The following GALNT7 variants were observed in gnomAD, a reference collection of about 807,000 sequenced individuals.
The protein encoded by GALNT7 is polypeptide N-acetylgalactosaminyltransferase 7.
In GALNT7, 60 loss-of-function variants were observed where a neutral mutation model predicts 82.1. The ratio of observed to expected loss-of-function variants is 0.73; its 90% CI spans 0.59 to 0.91. The LOEUF (loss-of-function observed/expected upper bound fraction) is 0.91, where lower values mean the gene tolerates loss of function less well. Ranked by LOEUF, GALNT7 falls within the 40% of genes least tolerant of loss-of-function variation. The probability of loss-of-function intolerance (pLI) is 0.00; values close to 1 mark genes in which losing one functional copy is unlikely to be tolerated. For missense variants in GALNT7, 660 were observed against 804.2 expected, an observed-to-expected ratio of 0.82 and a Z score of 2.17; for synonymous variants, 243 against 275.1, an observed-to-expected ratio of 0.88 and a Z score of 1.15.
chr4:173,218,073 G>C (rs1293120714), intron 1 of GALNT7, among the ~76,000 whole-genome samples: 1 of 152,110 alleles, frequency 6.6e-6, no homozygotes, highest in East Asian at 1.9e-4. Flanking sequence ...GACAGGGTAG[G>C]GAGACAGATT....
At chr4:173,229,766 G>A (rs966471315) in intron 1 of GALNT7, among the ~76,000 whole-genome samples, 1 of 152,076 alleles carries the variant, frequency 6.6e-6, no homozygotes, top group Non-Finnish European at 1.5e-5. Context: ...TCTCCTCATC[G>A]TATTATCGTA....
chr4:173,318,740 C>T, intron 11 of GALNT7, 181 bp downstream of exon 11: 1 of 479,336 alleles, frequency 2.1e-6, no homozygotes, highest in South Asian at 2.5e-5. Flanking sequence ...TATAATGAGG[C>T]ATCACTTTTG....
At chr4:173,263,654 T>C (rs1735364828) in intron 2 of GALNT7, among the ~76,000 whole-genome samples, 1 of 152,210 alleles carries the variant, frequency 6.6e-6, no homozygotes, top group African/African-American at 2.4e-5. Context: ...TAATTTATTT[T>C]ACCATCATCC....
intron 1 of GALNT7, among the ~76,000 whole-genome samples, chr4:173,170,357 A>G (rs1731819980): frequency 6.6e-6 from 1 of 152,262 alleles, no homozygotes; most frequent in Admixed American, 6.5e-5. Context: ...CTGGAAAGTT[A>G]GCATCAAGAA....
At position 173,320,776 on chromosome 4, in the gene GALNT7, C is replaced by A. The variant is rs1354980352; in HGVS notation, c.1837-804C>A. On this transcript the variant is annotated intron_variant, in intron 11 of 11. Coordinates refer to ENST00000265000, the MANE Select transcript of GALNT7 (RefSeq NM_017423.3). This position sits in a 1 kb window ranked among gnomAD's most constrained non-coding sequence, Gnocchi z 4.1. Reference sequence around the variant, plus strand: ...AGTACTTGATACGTACTTCCCACTTCATCTCATAGAATTTTTTTTAAGTAT... The same window carrying A: ...AGTACTTGATACGTACTTCCCACTTAATCTCATAGAATTTTTTTTAAGTAT... Among the ~76,000 whole-genome samples, 2 of 152,080 alleles carry A rather than the reference C, an allele frequency of 1.3e-5. No individual in the cohort carries two copies.
At chr4:173,233,940 A>T (rs1241765498) in intron 1 of GALNT7, among the ~76,000 whole-genome samples, 1 of 152,128 alleles carries the variant, frequency 6.6e-6, no homozygotes, top group Non-Finnish European at 1.5e-5. Context: ...AATGTTGTCT[A>T]TTCTTGTTTG....
rs70944438 is a variant in GALNT7 at position 173,225,018 on chromosome 4, AAATAATAATAAT to A, written c.127-22940_127-22929del. ...CGACAGAGCGAGACTCTGTCTCAAA[AAATAATAATAAT>A]AATAATAATAATAATAATAATTATA... On this transcript the variant is annotated intron_variant, in intron 1 of 11. Coordinates refer to ENST00000265000, the MANE Select transcript of GALNT7 (RefSeq NM_017423.3). Among the ~76,000 whole-genome samples, 24 of 144,566 alleles carry A rather than the reference AAATAATAATAAT, an allele frequency of 1.7e-4. No homozygotes were observed. In the East Asian group the frequency reaches 1.8e-3, roughly 11 times the overall value. The allele number at this position is 144,566 out of a possible 152,430, so 94.8% of individuals were successfully genotyped here.
chr4:173,183,662 TG>T (rs1239485050), intron 1 of GALNT7, among the ~76,000 whole-genome samples: 3 of 152,198 alleles, frequency 2.0e-5, no homozygotes, highest in Non-Finnish European at 4.4e-5. Flanking sequence ...AATGAGCTGT[TG>T]GGTACACCTC....
intron 9 of GALNT7, chr4:173,315,842 C>T (rs1737579658): frequency 6.6e-6 from 1 of 152,192 alleles, no homozygotes; most frequent in Admixed American, 6.6e-5. Context: ...AATTGAACTT[C>T]CTATCTCCTC....
chr4:173,209,257 C>T (rs72993793), intron 1 of GALNT7, among the ~76,000 whole-genome samples: 2,482 of 152,336 alleles, frequency 0.016, 70 homozygotes, highest in Admixed American at 0.066. Context: ...ATGTTGTATT[C>T]TCTCTTCCCT....
chr4:173,255,168 G>A (rs1421345542), intron 2 of GALNT7, among the ~76,000 whole-genome samples: 1 of 152,164 alleles, frequency 6.6e-6, no homozygotes, highest in Non-Finnish European at 1.5e-5. Flanking sequence ...AAGGTAACTT[G>A]TTTCTCTAAA....
intron 1 of GALNT7, among the ~76,000 whole-genome samples, chr4:173,232,407 A>G (rs1734058954): frequency 6.6e-6 from 1 of 152,078 alleles, no homozygotes; most frequent in South Asian, 2.1e-4. Context: ...TGATCAAATC[A>G]GGGTAATTAG....
At chr4:173,226,984 T>G (rs1733853762) in intron 1 of GALNT7, among the ~76,000 whole-genome samples, 2 of 152,248 alleles carry the variant, frequency 1.3e-5, no homozygotes, top group African/African-American at 4.8e-5. Flanking sequence ...TAATTTTCTT[T>G]GGTTAATAAT....
intron 1 of GALNT7, among the ~76,000 whole-genome samples, chr4:173,212,244 G>A (rs1464362968): frequency 6.6e-6 from 1 of 152,112 alleles, no homozygotes; most frequent in African/African-American, 2.4e-5. Context: ...TTTATTTCAT[G>A]CAAGTGAATT....
intron 1 of GALNT7, among the ~76,000 whole-genome samples, chr4:173,177,257 G>A (rs1732077765): frequency 6.6e-6 from 1 of 152,178 alleles, no homozygotes; most frequent in Non-Finnish European, 1.5e-5. Context: ...CAGGGATCAT[G>A]CTTTGAGGAG....
intron 1 of GALNT7, among the ~76,000 whole-genome samples, chr4:173,234,505 A>T (rs1035449623): frequency 1.3e-5 from 2 of 152,212 alleles, no homozygotes; most frequent in Non-Finnish European, 1.5e-5. Flanking sequence ...ATCCAGTTGT[A>T]TAAGTTACAA....
intron 1 of GALNT7, among the ~76,000 whole-genome samples, chr4:173,242,889 T>C (rs1734484353): frequency 6.6e-6 from 1 of 152,224 alleles, no homozygotes. Flanking sequence ...AGAGAAAGGA[T>C]GCTGATAGGA....
intron 6 of GALNT7, among the ~76,000 whole-genome samples, chr4:173,301,710 T>A (rs1736943710): frequency 6.6e-6 from 1 of 152,176 alleles, no homozygotes; most frequent in Non-Finnish European, 1.5e-5. Flanking sequence ...TGGCTCAGTG[T>A]TTTTAAGAGT....
chr4:173,192,365 T>C (rs937096420), intron 1 of GALNT7, among the ~76,000 whole-genome samples: 1 of 152,196 alleles, frequency 6.6e-6, no homozygotes, highest in Non-Finnish European at 1.5e-5. Context: ...TATTCAACTT[T>C]ATAAGCAACA....
Sources: allele counts gnomAD v4.1 joint callset (sites outside exome capture counted in the v4.1 genomes callset), GRCh38; gene constraint gnomAD v4.1.1; non-coding constraint Gnocchi (gnomAD v3.1); transcripts MANE v1.5; gene names NCBI Gene and HGNC (gene_info 2026-07-23, HGNC 2026-07-21).